The following CYP11B1 variants were observed in gnomAD, a reference collection of about 807,000 sequenced individuals.
The protein encoded by CYP11B1 is cytochrome P450 family 11 subfamily B member 1, also known as cytochrome P450 11B1, mitochondrial.
CYP11B1 carries 34 observed loss-of-function variants against 48.3 expected under a neutral mutation model. The observed-to-expected ratio is 0.70, with a 90% CI of 0.54 to 0.94. CYP11B1 has a LOEUF of 0.94. Among genes scored for constraint, CYP11B1 ranks in the 40% least tolerant of loss-of-function variants. CYP11B1 has a pLI of 0.00. For missense variants in CYP11B1, 688 were observed against 657.4 expected, an observed-to-expected ratio of 1.05 and a Z score of -0.51; for synonymous variants, 291 against 262.5, an observed-to-expected ratio of 1.11 and a Z score of -1.05.
At position 142,879,040 on chromosome 8, in the gene CYP11B1, C is replaced by T; in HGVS notation, c.387G>A (p.Val129=). 1 of 1,614,202 alleles carries T rather than the reference C, an allele frequency of 6.2e-7. No individual in the cohort carries two copies. The highest frequency in any genetic ancestry group is 2.2e-5 in the East Asian group (1 of 44,888). The change falls in exon 2 of 9, where the codon GTG becomes GTA. Residue 129 remains valine, a synonymous_variant. Coordinates refer to ENST00000292427, the MANE Select transcript of CYP11B1 (RefSeq NM_000497.4). ...YRQHRGHKCG[V]FLLNGPEWRF... is the part of the protein sequence containing the mutation. Reference sequence around the variant, plus strand: ...CTCAGCTCGCCGCTTACAGCAAGAACACGCCACATTTGTGCCCACGATGTT... The same window carrying T: ...CTCAGCTCGCCGCTTACAGCAAGAATACGCCACATTTGTGCCCACGATGTT...
Position 142,876,386 on chromosome 8 carries a change from C to T in CYP11B1, c.809G>A (p.Cys270Tyr). ...CAGTTCCTGATAGATTTTCTGGATA[C>T]AGTTGTCGCCTATCCGGGGAGCGGG... ...WDCIFQYGDNCIQKIYQELAF... is the reference protein window; with the variant it reads ...WDCIFQYGDNYIQKIYQELAF... The change falls in exon 5 of 9, where the codon TGT becomes TAT. Residue 270 changes from cysteine (C) to tyrosine (Y), a missense_variant. By Grantham distance (194) the Cys-to-Tyr change is radical. Coordinates refer to ENST00000292427, the MANE Select transcript of CYP11B1 (RefSeq NM_000497.4). 1 of 1,613,848 alleles carries T rather than the reference C, an allele frequency of 6.2e-7. No individual in the cohort carries two copies. Among genetic ancestry groups the T allele is most frequent in the Non-Finnish European group, 8.5e-7 (1 of 1,179,846 alleles).
Position 142,872,578 on chromosome 8 carries a change from A to G in CYP11B1, c.*1795T>C, listed in dbSNP as rs1816830213. 6.6e-6 allele frequency: 1 copy of G among 152,338 alleles called. No individual in the cohort carries two copies. Among genetic ancestry groups the G allele is most frequent in the African/African-American group, 2.4e-5 (1 of 41,566 alleles). 9.4% of individuals were successfully genotyped at this position (152,338 alleles called of 1,614,324 possible). A position where few individuals can be genotyped will look rare whatever the true frequency, so the allele number is the denominator to read the frequency against. On this transcript the variant is annotated 3_prime_UTR_variant, in exon 9 of 9. Coordinates refer to ENST00000292427, the MANE Select transcript of CYP11B1 (RefSeq NM_000497.4). ...ATAAATTGTACCTTGAGTCTTACCC[A>G]TGTTTGACTCAGATAACATTTAAAT...
intron 8 of CYP11B1, 100 bp downstream of exon 8, chr8:142,874,857 A>C: frequency 7.0e-7 from 1 of 1,424,858 alleles, no homozygotes; most frequent in Non-Finnish European, 9.7e-7. Context: ...GGAAACATGC[A>C]GGCCACTCCC....
chr8:142,874,373 T>C lies in CYP11B1; in HGVS notation c.1512A>G (p.Ter504=). ...FPLLTFRAIN[*] ...TGGGACCCTGGGTGCAGAGACGTGA[T>C]TAGTTGATGGCTCTGAAGGTGAGGA... The change falls in exon 9 of 9, where the codon TAA becomes TAG. Residue 504 remains the stop codon, a stop_retained_variant. Coordinates refer to ENST00000292427, the MANE Select transcript of CYP11B1 (RefSeq NM_000497.4). The C allele has an allele frequency of 6.2e-7, 1 of 1,608,802 alleles. No homozygotes were observed. The highest frequency in any genetic ancestry group is 1.1e-5 in the South Asian group (1 of 90,950).
At position 142,875,339 on chromosome 8, in the gene CYP11B1, G is replaced by C. The variant is rs769431602; in HGVS notation, c.1122-27C>G. 154 of 1,603,948 alleles carry C rather than the reference G, an allele frequency of 9.6e-5. 6 individuals are homozygous for C. In the South Asian group the frequency reaches 1.6e-3, roughly 17 times the overall value. ...TGGAGGTGGGGGCATCCATAGAAAG[G>C]GTCCTCAGCTGGATGGGGCTTCCTG... On this transcript the variant is annotated intron_variant, in intron 6 of 8. Coordinates refer to ENST00000292427, the MANE Select transcript of CYP11B1 (RefSeq NM_000497.4).
chr8:142,875,194 G>T (rs1474198995), intron 7 of CYP11B1, 40 bp from the exon 8 acceptor site: 35 of 1,614,110 alleles, frequency 2.2e-5, no homozygotes, highest in Non-Finnish European at 3.0e-5. Flanking sequence ...AATGACTGGG[G>T]AGGGAGGTTC....
chr8:142,879,201 C>A lies in CYP11B1; in HGVS notation c.240-14G>T, dbSNP rs1308243742. ...CCCAAGTCGTACCTGTGGGGCCAAG[C>A]ACGAGGCCGTGCTGGATGGGACCAT... On this transcript the variant is annotated splice_polypyrimidine_tract_variant and intron_variant, in intron 1 of 8. Coordinates refer to ENST00000292427, the MANE Select transcript of CYP11B1 (RefSeq NM_000497.4). The A allele has an allele frequency of 6.2e-7, 1 of 1,613,998 alleles. No individual in the cohort carries two copies.
intron 8 of CYP11B1, 79 bp downstream of exon 8, chr8:142,874,878 G>T (rs759335019): frequency 1.9e-6 from 3 of 1,553,812 alleles, no homozygotes; most frequent in Non-Finnish European, 2.6e-6. Context: ...ACTCTGCCGA[G>T]GCCAGTCCCA....
Position 142,873,834 on chromosome 8 carries a change from C to T in CYP11B1, c.*539G>A, listed in dbSNP as rs966833467. On this transcript the variant is annotated 3_prime_UTR_variant, in exon 9 of 9. Transcript: ENST00000292427. ...TGACCACAGGGGCCTTTTTATTCTA[C>T]CCTGCAGGACCCTATTCCAGGGTGA... 7.3e-5 allele frequency: 13 copies of T among 177,276 alleles called. No homozygotes were observed. Among genetic ancestry groups the T allele is most frequent in the Admixed American group, 6.4e-4 (12 of 18,650 alleles). 11.0% of individuals were successfully genotyped at this position (177,276 alleles called of 1,614,324 possible). A position where few individuals can be genotyped will look rare whatever the true frequency, so the allele number is the denominator to read the frequency against.
rs575286172 is a variant in CYP11B1, at chr8:142,878,898, C to T, written c.395+134G>A. 7.6e-5 allele frequency: 105 copies of T among 1,375,450 alleles called. 3 individuals are homozygous for T. In the South Asian group the frequency reaches 1.1e-3, roughly 14 times the overall value. The allele number at this position is 1,375,450 out of a possible 1,614,324, so 85.2% of individuals were successfully genotyped here. A position where few individuals can be genotyped will look rare whatever the true frequency, so the allele number is the denominator to read the frequency against. On this transcript the variant is annotated intron_variant, in intron 2 of 8. Transcript: ENST00000292427. ...GACACGACCCCACGGAATGGCCGTC[C>T]TCTGGGTCGGGTGCTCACCCTCACT...
rs1816865139 is a variant in CYP11B1, at chr8:142,874,270, G to A, written c.*103C>T. 2.4e-6 allele frequency: 2 copies of A among 830,674 alleles called. No homozygotes were observed. Among genetic ancestry groups the A allele is most frequent in the Admixed American group, 3.6e-5 (2 of 55,142 alleles). The allele number at this position is 830,674 out of a possible 1,614,324, so 51.5% of individuals were successfully genotyped here. On this transcript the variant is annotated 3_prime_UTR_variant, in exon 9 of 9. Transcript: ENST00000292427. ...GTGCTGGGGCTGGTTAGACAGAGGGGTGACTCAGGAAGCTGTGCATGTGGG... is the reference window on the plus strand; with the variant it reads ...GTGCTGGGGCTGGTTAGACAGAGGGATGACTCAGGAAGCTGTGCATGTGGG...
intron 2 of CYP11B1, chr8:142,877,663 C>G: frequency 7.3e-7 from 1 of 1,368,884 alleles, no homozygotes; most frequent in Non-Finnish European, 1.0e-6. Flanking sequence ...CCTTCCCTGC[C>G]CTGGGCACAG....
rs778735553 is a variant in CYP11B1 at position 142,875,233 on chromosome 8, C to T, written c.1200+1G>A. ...GCTCGAGGGGTGTGGGGCTCACTCA[C>T]CCCAGCTGGGATGTGGTAGTTCTGA... is the stretch of plus-strand genomic sequence containing the variant. On this transcript the variant is annotated splice_donor_variant, in intron 7 of 8. Transcript: ENST00000292427. LOFTEE classifies it high-confidence loss of function. The T allele has an allele frequency of 2.5e-6, 4 of 1,614,072 alleles. No individual in the cohort carries two copies. The highest frequency in any genetic ancestry group is 1.7e-5 in the Admixed American group (1 of 60,008).
intron 2 of CYP11B1, chr8:142,877,673 G>A (rs1817004693): frequency 7.0e-7 from 1 of 1,438,278 alleles, no homozygotes; most frequent in Admixed American, 1.8e-5. Flanking sequence ...CCTGGGCACA[G>A]TGCCTCTGGG....
At chr8:142,874,762 G>A (rs1465498534) in intron 8 of CYP11B1, among the ~76,000 whole-genome samples, 195 bp downstream of exon 8, 1 of 152,074 alleles carries the variant, frequency 6.6e-6, no homozygotes, top group East Asian at 1.9e-4. Context: ...CAGATGGTAC[G>A]CTCCTCACCA....
At chr8:142,879,514 G>A (rs749551361) in intron 1 of CYP11B1, 61 bp downstream of exon 1, 2 of 1,614,010 alleles carry the variant, frequency 1.2e-6, no homozygotes, top group Non-Finnish European at 1.7e-6. Context: ...TGCCCGGCAG[G>A]GTCCTGGGCA....
chr8:142,879,283 C>G, intron 1 of CYP11B1, 96 bp from the exon 2 acceptor site: 3 of 1,608,776 alleles, frequency 1.9e-6, no homozygotes, highest in Non-Finnish European at 2.5e-6. Flanking sequence ...TCCACCCTCC[C>G]CTCTCCTGGA....
chr8:142,876,329 A>G lies in CYP11B1; in HGVS notation c.866T>C (p.Ile289Thr), dbSNP rs1563869024. The G allele has an allele frequency of 1.2e-6, 2 of 1,614,064 alleles. No homozygotes were observed. ...CGCATTCAACAGGAGCTCCGCCACGATGCTGGTGTACTGTTGAGGGCGGCT... is the reference window on the plus strand; with the variant it reads ...CGCATTCAACAGGAGCTCCGCCACGGTGCTGGTGTACTGTTGAGGGCGGCT... ...AFSRPQQYTSIVAELLLNAEL... is the reference protein window; with the variant it reads ...AFSRPQQYTSTVAELLLNAEL... The change falls in exon 5 of 9, where the codon ATC becomes ACC. Residue 289 changes from isoleucine (I) to threonine (T), a missense_variant. Ile to Thr is a moderately conservative substitution (Grantham distance 89). Coordinates refer to ENST00000292427, the MANE Select transcript of CYP11B1 (RefSeq NM_000497.4).
In CYP11B1 at chr8:142,879,153, TCA is replaced by T. The variant is rs1221396910; in HGVS notation, c.272_273del (p.Val91AspfsTer45). On this transcript the variant is annotated frameshift_variant, in exon 2 of 9. Coordinates refer to ENST00000292427, the MANE Select transcript of CYP11B1 (RefSeq NM_000497.4). LOFTEE classifies it high-confidence loss of function. ...AGCTTCTCCACGTCCTCCGGCAGCATCACACACACCATGCCTGCTCCTCCCAA... is the reference window on the plus strand; with the variant it reads ...AGCTTCTCCACGTCCTCCGGCAGCATCACACACCATGCCTGCTCCTCCCAA... The part of the protein sequence containing the change: ...YDLGGAGMVC[V>X]MLPEDVEKLQ... 1 of 1,613,802 alleles carries T rather than the reference TCA, an allele frequency of 6.2e-7. No individual in the cohort carries two copies. The highest frequency in any genetic ancestry group is 1.7e-5 in the Admixed American group (1 of 60,002).
Sources: gnomAD v4.1 joint callset for allele counts (sites outside exome capture counted in the v4.1 genomes callset) on GRCh38, gnomAD v4.1.1 for gene constraint, MANE v1.5 for transcripts, NCBI Gene and HGNC (gene_info 2026-07-23, HGNC 2026-07-21) for gene names.